EML6: variants seen among roughly 807,000 people sequenced by gnomAD.
EML6 encodes the protein echinoderm microtubule-associated protein-like 6.
A neutral mutation model predicts 240.1 loss-of-function variants in EML6; 154 were observed. That is an observed-to-expected ratio of 0.64 (90% CI 0.56 to 0.73). The LOEUF (loss-of-function observed/expected upper bound fraction) is 0.73, where lower values mean the gene tolerates loss of function less well. Among genes scored for constraint, EML6 ranks in the 30% least tolerant of loss-of-function variants. The pLI is 0.00. For missense variants in EML6, 2,964 were observed against 2,474.6 expected (o/e 1.20, Z -4.20); for synonymous variants, 1,148 against 899.0 (o/e 1.28, Z -4.95).
chr2:54,734,199 A>G (rs1558513838), intron 2 of EML6, among the ~76,000 whole-genome samples: 1 of 152,172 alleles, frequency 6.6e-6, no homozygotes, highest in Non-Finnish European at 1.5e-5. Context: ...TTAGCCGGGC[A>G]TGATGGCGGG....
At chr2:54,917,361 T>G (rs1263084149) in intron 26 of EML6, among the ~76,000 whole-genome samples, 9 of 32,778 alleles carry the variant, frequency 2.7e-4, no homozygotes, top group Admixed American at 1.2e-3. Context: ...TTTTTTTGTT[T>G]TTTTTTTTTT....
At position 54,914,084 on chromosome 2, in the gene EML6, C is replaced by T. The variant is rs138594580; in HGVS notation, c.3499-2675C>T. ...TAGTATACTTTGAAGTCCAGTAATA[C>T]GATACCTCTGGCTTTGTTCTTTTTG... On this transcript the variant is annotated intron_variant, in intron 25 of 41. Transcript: ENST00000356458. Among the ~76,000 whole-genome samples the T allele has an allele frequency of 3.3e-5, 5 of 152,294 alleles. No homozygotes were observed. In the East Asian group the frequency reaches 7.7e-4, roughly 23 times the overall value.
At chr2:54,796,727 G>A (rs965910747) in intron 2 of EML6, among the ~76,000 whole-genome samples, 4 of 152,108 alleles carry the variant, frequency 2.6e-5, no homozygotes, top group African/African-American at 9.7e-5. Flanking sequence ...GATCTACAAA[G>A]CGCCTACTTG....
At chr2:54,843,972 G>GTGTGTGTGTT in intron 7 of EML6, 75 bp from the exon 8 acceptor site, 1 of 844,072 alleles carries the variant, frequency 1.2e-6, no homozygotes, top group Non-Finnish European at 1.9e-6. Context: ...TTTTGTGTGT[G>GTGTGTGTGTT]TGTGTGTGTG....
intron 8 of EML6, among the ~76,000 whole-genome samples, chr2:54,844,965 T>C (rs561289220): frequency 3.3e-5 from 5 of 152,330 alleles, no homozygotes; most frequent in African/African-American, 1.2e-4. Flanking sequence ...GCTTTAGATA[T>C]GCTCAATGAC....
intron 12 of EML6, among the ~76,000 whole-genome samples, chr2:54,859,968 A>G (rs1295824248): frequency 2.6e-5 from 4 of 152,178 alleles, no homozygotes; most frequent in African/African-American, 4.8e-5. Context: ...GAAGCTCCTG[A>G]CACTCCCTCC....
chr2:54,956,075 A>T (rs72910837), intron 32 of EML6, among the ~76,000 whole-genome samples: 1 of 152,142 alleles, frequency 6.6e-6, no homozygotes, highest in Admixed American at 6.5e-5. Flanking sequence ...AGCTTATTAC[A>T]TAAAATCCAT....
intron 24 of EML6, among the ~76,000 whole-genome samples, chr2:54,907,181 T>C (rs1242815746): frequency 6.6e-6 from 1 of 152,196 alleles, no homozygotes; most frequent in Admixed American, 6.5e-5. Flanking sequence ...ACAAGTTCAT[T>C]TCTAGAAATA....
rs1444904526 is a variant in EML6, at chr2:54,967,596, G to T, written c.5597+493G>T. 3.3e-5 allele frequency among the ~76,000 whole-genome samples: 5 copies of T among 152,290 alleles called. 1 individual carries two copies. Among genetic ancestry groups the T allele is most frequent in the African/African-American group, 1.2e-4 (5 of 41,558 alleles). ...AACAGGGAGAGAATCAAAGATGGGG[G>T]TAACTTGTGTTTTTGGAGTGTAGGG... On this transcript the variant is annotated intron_variant, in intron 39 of 41. Transcript: ENST00000356458.
chr2:54,782,761 T>C (rs1296393190), intron 2 of EML6, among the ~76,000 whole-genome samples: 2 of 151,604 alleles, frequency 1.3e-5, no homozygotes, highest in Non-Finnish European at 2.9e-5. Context: ...CCCACCCACC[T>C]CCATTTTGTT....
chr2:54,789,611 C>T (rs1032412665), intron 2 of EML6, among the ~76,000 whole-genome samples: 1 of 146,692 alleles, frequency 6.8e-6, no homozygotes, highest in Non-Finnish European at 1.5e-5. Context: ...CTGATGTTGT[C>T]TTCCGTACTT....
chr2:54,940,776 G>A (rs1573186566), intron 28 of EML6, among the ~76,000 whole-genome samples: 1 of 152,176 alleles, frequency 6.6e-6, no homozygotes, highest in East Asian at 1.9e-4. Flanking sequence ...TTGGCCCTGG[G>A]ACTGCACTTG....
intron 2 of EML6, among the ~76,000 whole-genome samples, chr2:54,797,403 C>G (rs569044020): frequency 6.6e-6 from 1 of 151,992 alleles, no homozygotes; most frequent in Non-Finnish European, 1.5e-5. Context: ...TCTAGTAATA[C>G]GAATCCTGTC....
At position 54,903,115 on chromosome 2, in the gene EML6, G is replaced by C. The variant is rs767535773; in HGVS notation, c.3196G>C (p.Val1066Leu). Residue 1066 changes from valine (V) to leucine (L), a missense_variant, in exon 23 of 42, where the codon GTG becomes CTG. Coordinates refer to ENST00000356458, the MANE Select transcript of EML6 (RefSeq NM_001039753.4). Reference sequence around the variant, plus strand: ...TGGCTTGAACGATGGGAGTTTCCTGGTGGTAAATGCTGACACTGTTGAAGA... The same window carrying C: ...TGGCTTGAACGATGGGAGTTTCCTGCTGGTAAATGCTGACACTGTTGAAGA... ...AVGLNDGSFL[V>L]VNADTVEDMV... The C allele has an allele frequency of 3.9e-6, 6 of 1,551,788 alleles. No homozygotes were observed. In the South Asian group the frequency reaches 7.1e-5, roughly 18 times the overall value.
At chr2:54,903,719 A>G (rs564298114) in intron 24 of EML6, among the ~76,000 whole-genome samples, 6 of 152,202 alleles carry the variant, frequency 3.9e-5, no homozygotes, top group Non-Finnish European at 8.8e-5. Context: ...TATTGTCACT[A>G]TTGATTCAAG....
At chr2:54,879,392 G>A (rs1430207091) in intron 16 of EML6, among the ~76,000 whole-genome samples, 155 bp from the exon 17 acceptor site, 4 of 152,188 alleles carry the variant, frequency 2.6e-5, no homozygotes, top group Non-Finnish European at 5.9e-5. Flanking sequence ...TTCAGTACAT[G>A]TATACATTGT....
chr2:54,963,373 C>A (rs1355954400), intron 36 of EML6, among the ~76,000 whole-genome samples: 1 of 152,216 alleles, frequency 6.6e-6, no homozygotes, highest in Non-Finnish European at 1.5e-5. Context: ...GCTGTCACTA[C>A]TTGACTAACT....
intron 2 of EML6, among the ~76,000 whole-genome samples, chr2:54,757,451 A>G (rs1169591638): frequency 1.3e-5 from 2 of 152,068 alleles, no homozygotes; most frequent in African/African-American, 2.4e-5. Flanking sequence ...CCAGAAAGGA[A>G]CCTCCAATCT....
At chr2:54,876,773 T>G (rs980751004) in intron 16 of EML6, among the ~76,000 whole-genome samples, 1 of 152,192 alleles carries the variant, frequency 6.6e-6, no homozygotes, top group Non-Finnish European at 1.5e-5. Context: ...GTATATATTG[T>G]GTAAGGATCA....
Sources: gnomAD v4.1 joint callset for allele counts (sites outside exome capture counted in the v4.1 genomes callset) on GRCh38, gnomAD v4.1.1 for gene constraint, MANE v1.5 for transcripts, NCBI Gene and HGNC (gene_info 2026-07-23, HGNC 2026-07-21) for gene names.